Variants in FGF17 observed in about 807,000 individuals in gnomAD.
The protein encoded by FGF17 is fibroblast growth factor 17.
Under a neutral mutation model 23.5 loss-of-function variants are expected in FGF17, and 5 were observed. The ratio of observed to expected loss-of-function variants is 0.21; its 90% CI spans 0.11 to 0.45. The LOEUF (loss-of-function observed/expected upper bound fraction) is 0.45, where lower values mean the gene tolerates loss of function less well. Among genes scored for constraint, FGF17 ranks in the 20% least tolerant of loss-of-function variants. The pLI, the probability that FGF17 is intolerant of heterozygous loss-of-function variation, is 0.99. For synonymous variants in FGF17, 136 were observed against 123.0 expected (o/e 1.11, Z -0.70); for missense variants, 221 against 306.9 (o/e 0.72, Z 2.09).
At chr8:22,045,845 G>C (rs1800852963) in intron 2 of FGF17, 1 of 1,370,928 alleles carries the variant, frequency 7.3e-7, no homozygotes, top group African/African-American at 1.5e-5. Context: ...CCAGCTCCCA[G>C]AGTCCTGATT....
chr8:22,047,093 C>A (rs1800902902), intron 4 of FGF17, among the ~76,000 whole-genome samples: 1 of 151,982 alleles, frequency 6.6e-6, no homozygotes, highest in South Asian at 2.1e-4. Context: ...GGCCTGGTTT[C>A]TCTATTTAAA....
intron 2 of FGF17, chr8:22,045,730 T>C (rs1800850299): frequency 8.8e-7 from 1 of 1,132,302 alleles, no homozygotes; most frequent in Admixed American, 4.5e-5. Context: ...GATGACAGGC[T>C]CTGGTCTAAG....
intron 3 of FGF17, 85 bp from the exon 4 acceptor site, chr8:22,046,442 G>A: frequency 7.0e-7 from 1 of 1,425,690 alleles, no homozygotes; most frequent in Non-Finnish European, 9.7e-7. Flanking sequence ...GAGTCTGGAG[G>A]TCAGTGTGGC....
Position 22,046,546 on chromosome 8 carries a change from G to C in FGF17, c.270G>C (p.Thr90=). The change falls in exon 4 of 5, where the codon ACG becomes ACC. Residue 90 remains threonine, a synonymous_variant. Coordinates refer to ENST00000359441, the MANE Select transcript of FGF17 (RefSeq NM_003867.4). Reference sequence around the variant, plus strand: ...CCACAGCCAAGCTCATAGTGGAGACGGACACGTTTGGCAGCCGGGTTCGCA... The same window carrying C: ...CCACAGCCAAGCTCATAGTGGAGACCGACACGTTTGGCAGCCGGGTTCGCA... The part of the protein sequence containing the change: ...GNKFAKLIVE[T]DTFGSRVRIK... 6.2e-7 allele frequency: 1 copy of C among 1,613,702 alleles called. No homozygotes were observed. The highest frequency in any genetic ancestry group is 2.2e-5 in the East Asian group (1 of 44,890).
chr8:22,048,156 C>T lies in FGF17; in HGVS notation c.558C>T (p.Pro186=). ...TCTACCAAGGCCAGCTGCCCTTCCC[C>T]AACCACGCCGAGAAGCAGAAGCAGT... ...KRLYQGQLPF[P]NHAEKQKQFE... The change falls in exon 5 of 5, where the codon CCC becomes CCT. Residue 186 remains proline, a synonymous_variant. Coordinates refer to ENST00000359441, the MANE Select transcript of FGF17 (RefSeq NM_003867.4). This position sits in a 1 kb window ranked among gnomAD's most constrained non-coding sequence, Gnocchi z 6.9. The T allele has an allele frequency of 6.2e-7, 1 of 1,613,352 alleles. No individual in the cohort carries two copies. The highest frequency in any genetic ancestry group is 8.5e-7 in the Non-Finnish European group (1 of 1,179,820).
chr8:22,046,321 C>G lies in FGF17; in HGVS notation c.250+30C>G, dbSNP rs576825379. The G allele has an allele frequency of 3.1e-6, 5 of 1,603,270 alleles. No homozygotes were observed. The Admixed American group carries it at 5.0e-5, about 16-fold the overall frequency. On this transcript the variant is annotated intron_variant, in intron 3 of 4. Coordinates refer to ENST00000359441, the MANE Select transcript of FGF17 (RefSeq NM_003867.4). ...GAGTTGGCCCTCCCCCCAGGGCACC[C>G]ACACCTCCACTCTGCCTCACTTCCA...
intron 2 of FGF17, 90 bp downstream of exon 2, chr8:22,043,271 A>C (rs1180997783): frequency 2.0e-5 from 26 of 1,320,776 alleles, no homozygotes; most frequent in Non-Finnish European, 2.8e-5. Flanking sequence ...TCAGGTGGAC[A>C]GAGGCAGAGT....
rs369682032 is a variant in FGF17, at chr8:22,046,570, C to A, written c.294C>A (p.Arg98=). Residue 98 remains arginine (R), a synonymous_variant, in exon 4 of 5, where the codon CGC becomes CGA. Coordinates refer to ENST00000359441, the MANE Select transcript of FGF17 (RefSeq NM_003867.4). The part of the protein sequence containing the change: ...VETDTFGSRV[R]IKGAESEKYI... ...CGGACACGTTTGGCAGCCGGGTTCG[C>A]ATCAAAGGGGCTGAGAGTGAGAAGT... 3.7e-6 allele frequency: 6 copies of A among 1,613,756 alleles called. No individual in the cohort carries two copies. In the African/African-American group the frequency reaches 8.0e-5, roughly 22 times the overall value.
At chr8:22,041,460 C>T (rs1800736155), upstream of FGF17, among the ~76,000 whole-genome samples, 1 of 152,154 alleles carries the variant, frequency 6.6e-6, no homozygotes, top group Non-Finnish European at 1.5e-5. Context: ...TCCAGGGAGC[C>T]CAGAGCTGAG....
chr8:22,042,352 G>A (rs1023114303), upstream of FGF17: 2 of 158,996 alleles, frequency 1.3e-5, no homozygotes, highest in African/African-American at 2.4e-5. Context: ...GGAGGGAGGC[G>A]GCTCCTTTTA....
Position 22,048,261 on chromosome 8 carries a change from G to GGGGCAGGAGGCAC in FGF17, c.*15_*16insCAGGAGGCACGGG. 6.3e-7 allele frequency: 1 copy of GGGGCAGGAGGCAC among 1,580,180 alleles called. No homozygotes were observed. The highest frequency in any genetic ancestry group is 8.6e-7 in the Non-Finnish European group (1 of 1,161,510). ...AGCCCCTCACGTAGTCTGGGAGGCAGGGGGCAGCAGCCCCTGGGCCGCCTC... is the reference window on the plus strand; with the variant it reads ...AGCCCCTCACGTAGTCTGGGAGGCAGGGGCAGGAGGCACGGGGCAGCAGCCCCTGGGCCGCCTC... On this transcript the variant is annotated 3_prime_UTR_variant, in exon 5 of 5. Transcript: ENST00000359441. The surrounding 1 kb of genome is among the most constrained non-coding windows in gnomAD (Gnocchi z 6.9).
At chr8:22,047,887 GCC>G in intron 4 of FGF17, 67 bp from the exon 5 acceptor site, 3 of 1,492,356 alleles carry the variant, frequency 2.0e-6, no homozygotes, top group Non-Finnish European at 2.7e-6. Flanking sequence ...TCCAAAATAG[GCC>G]GTAAGGGCGA....
chr8:22,048,165 C>T lies in FGF17; in HGVS notation c.567C>T (p.Ala189=), dbSNP rs780114337. Residue 189 remains alanine (A), a synonymous_variant, in exon 5 of 5, where the codon GCC becomes GCT. Transcript: ENST00000359441. This position sits in a 1 kb window ranked among gnomAD's most constrained non-coding sequence, Gnocchi z 6.9. ...GCCAGCTGCCCTTCCCCAACCACGC[C>T]GAGAAGCAGAAGCAGTTCGAGTTTG... ...YQGQLPFPNH[A]EKQKQFEFVG... is the part of the protein sequence containing the mutation. The T allele has an allele frequency of 6.2e-7, 1 of 1,613,252 alleles. No individual in the cohort carries two copies. The highest frequency in any genetic ancestry group is 2.2e-5 in the East Asian group (1 of 44,858).
upstream of FGF17, among the ~76,000 whole-genome samples, chr8:22,041,567 G>A (rs1434537466): frequency 1.3e-5 from 2 of 152,066 alleles, no homozygotes; most frequent in African/African-American, 4.8e-5. Context: ...TGTAGGGAGG[G>A]AACAGCATGG....
At chr8:22,047,912 G>T in intron 4 of FGF17, 44 bp from the exon 5 acceptor site, 1 of 1,573,014 alleles carries the variant, frequency 6.4e-7, no homozygotes, top group South Asian at 1.2e-5. Context: ...CCCCAGACCA[G>T]GGTAGGTGGA....
chr8:22,041,656 C>T (rs958304729), upstream of FGF17, among the ~76,000 whole-genome samples: 7 of 152,308 alleles, frequency 4.6e-5, no homozygotes, highest in East Asian at 1.2e-3. Flanking sequence ...TGTATCCCTA[C>T]AATGAAGCAG....
chr8:22,045,214 C>T (rs1450203278), intron 2 of FGF17: 1 of 985,422 alleles, frequency 1.0e-6, no homozygotes, highest in Non-Finnish European at 1.2e-6. Flanking sequence ...TTCCTCTCCC[C>T]CAACCCAAAG....
upstream of FGF17, among the ~76,000 whole-genome samples, chr8:22,041,251 C>T (rs995327057): frequency 3.3e-5 from 5 of 152,166 alleles, no homozygotes; most frequent in Non-Finnish European, 4.4e-5. Flanking sequence ...GAAGAGCCTG[C>T]GGAGAGGAGA....
In FGF17 at chr8:22,048,013, A is replaced by G. The variant is rs1417680579; in HGVS notation, c.415A>G (p.Thr139Ala). 2 of 1,613,134 alleles carry G rather than the reference A, an allele frequency of 1.2e-6. No individual in the cohort carries two copies. Among genetic ancestry groups the G allele is most frequent in the Non-Finnish European group, 1.7e-6 (2 of 1,179,420 alleles). Reference protein sequence around the residue: ...FTEIVLENNYTAFQNARHEGW... With the variant: ...FTEIVLENNYAAFQNARHEGW... ...GGAGATCGTGCTGGAGAACAACTAT[A>G]CGGCCTTCCAGAACGCCCGGCACGA... Residue 139 changes from threonine (T) to alanine (A), a missense_variant, in exon 5 of 5, where the codon ACG becomes GCG. By Grantham distance (58) the Thr-to-Ala change is moderately conservative. Around this residue, in one of 3 missense-constraint regions of FGF17, gnomAD observed 128 missense variants for 150.4 expected, o/e 0.85. Coordinates refer to ENST00000359441, the MANE Select transcript of FGF17 (RefSeq NM_003867.4). This position sits in a 1 kb window ranked among gnomAD's most constrained non-coding sequence, Gnocchi z 6.9.
Sources: allele counts gnomAD v4.1 joint callset (sites outside exome capture counted in the v4.1 genomes callset), GRCh38; gene constraint gnomAD v4.1.1; regional missense constraint gnomAD v4.1.1; non-coding constraint Gnocchi (gnomAD v3.1); transcripts MANE v1.5; gene names NCBI Gene and HGNC (gene_info 2026-07-23, HGNC 2026-07-21).